The following TACR1 variants were observed in gnomAD, a reference collection of about 807,000 sequenced individuals.
The protein encoded by TACR1 is tachykinin receptor 1, also known as substance-P receptor.
In TACR1, 25 loss-of-function variants were observed where a neutral mutation model predicts 35.8. The observed-to-expected ratio is 0.70, with a 90% CI of 0.51 to 0.98. The LOEUF (loss-of-function observed/expected upper bound fraction) is 0.98. TACR1 is among the 50% of genes least tolerant of loss of function. TACR1 has a pLI of 0.00. For missense variants in TACR1, 478 were observed against 522.9 expected (o/e 0.91, Z 0.84); for synonymous variants, 195 against 206.7 (o/e 0.94, Z 0.48).
At chr2:75,134,854 T>C (rs1483298538) in intron 1 of TACR1, among the ~76,000 whole-genome samples, 1 of 152,168 alleles carries the variant, frequency 6.6e-6, no homozygotes, top group Non-Finnish European at 1.5e-5. Flanking sequence ...CAGGCAGAGA[T>C]GTTGACTCTC....
intron 2 of TACR1, among the ~76,000 whole-genome samples, chr2:75,062,969 T>C (rs1004393512): frequency 3.3e-5 from 5 of 152,208 alleles, no homozygotes; most frequent in African/African-American, 9.6e-5. Flanking sequence ...ATTGGACTTA[T>C]AGTTCCACAT....
At chr2:75,052,116 C>A (rs1324584211) in intron 3 of TACR1, among the ~76,000 whole-genome samples, 1 of 152,178 alleles carries the variant, frequency 6.6e-6, no homozygotes, top group Non-Finnish European at 1.5e-5. Context: ...TGTGTCACTT[C>A]AAATTTATAT....
At chr2:75,156,476 C>G (rs1190702510) in intron 1 of TACR1, among the ~76,000 whole-genome samples, 2 of 151,154 alleles carry the variant, frequency 1.3e-5, no homozygotes, top group Non-Finnish European at 1.5e-5. Flanking sequence ...GGTGGCAGGC[C>G]CCTGTGGTCC....
intron 2 of TACR1, among the ~76,000 whole-genome samples, chr2:75,110,799 G>A (rs1230231857): frequency 6.6e-6 from 1 of 151,846 alleles, no homozygotes; most frequent in African/African-American, 2.4e-5. Flanking sequence ...AAACCATGCT[G>A]ACAAAATCTT....
intron 1 of TACR1, among the ~76,000 whole-genome samples, chr2:75,196,284 C>G (rs534000587): frequency 6.6e-6 from 1 of 152,212 alleles, no homozygotes; most frequent in South Asian, 2.1e-4. Flanking sequence ...ACCACACATG[C>G]AGGAAATATA....
intron 2 of TACR1, among the ~76,000 whole-genome samples, chr2:75,081,145 C>T (rs1475740029): frequency 1.3e-5 from 2 of 152,142 alleles, no homozygotes; most frequent in East Asian, 3.9e-4. Flanking sequence ...AAAAGAAGAG[C>T]CAGGCCTGCC....
intron 1 of TACR1, among the ~76,000 whole-genome samples, chr2:75,146,410 A>G (rs1204380652): frequency 6.6e-6 from 1 of 152,238 alleles, no homozygotes; most frequent in Non-Finnish European, 1.5e-5. Flanking sequence ...GGAATGAGTC[A>G]CCATGCCCGG....
At chr2:75,065,318 C>T (rs952388000) in intron 2 of TACR1, among the ~76,000 whole-genome samples, 4 of 152,222 alleles carry the variant, frequency 2.6e-5, no homozygotes, top group Admixed American at 6.5e-5. Flanking sequence ...TTGTTTTAAA[C>T]CACTGTAGCA....
Position 75,124,016 on chromosome 2 carries a change from T to G in TACR1, c.390-3248A>C, listed in dbSNP as rs953223321. Among the ~76,000 whole-genome samples, 17 of 152,218 alleles carry G rather than the reference T, an allele frequency of 1.1e-4. 1 individual carries two copies. Among genetic ancestry groups the G allele is most frequent in the African/African-American group, 4.1e-4 (17 of 41,468 alleles). On this transcript the variant is annotated intron_variant, in intron 1 of 4. Transcript: ENST00000305249. ...TGACTGCACCGTGCTCGTGGGACTC[T>G]AAGGCAGTCAATGAAACGTCTTTCT...
chr2:75,163,965 GAA>G (rs200329139), intron 1 of TACR1, among the ~76,000 whole-genome samples: 1 of 150,718 alleles, frequency 6.6e-6, no homozygotes, highest in Non-Finnish European at 1.5e-5. Context: ...CCCTTGTCTT[GAA>G]AAAAAAAATC....
chr2:75,180,683 C>T (rs995567177), intron 1 of TACR1, among the ~76,000 whole-genome samples: 1 of 152,164 alleles, frequency 6.6e-6, no homozygotes, highest in Non-Finnish European at 1.5e-5. Flanking sequence ...CTCCAGGGCC[C>T]AGATTATATC....
chr2:75,153,428 C>T (rs1572961376), intron 1 of TACR1, among the ~76,000 whole-genome samples: 2 of 152,192 alleles, frequency 1.3e-5, no homozygotes, highest in Non-Finnish European at 2.9e-5. Context: ...ACCAGCTACT[C>T]ACTTGCTGAG....
intron 1 of TACR1, 35 bp from the exon 2 acceptor site, chr2:75,120,803 G>A (rs1673954429): frequency 6.6e-7 from 1 of 1,506,784 alleles, no homozygotes; most frequent in Non-Finnish European, 8.9e-7. Flanking sequence ...GTTCTGATCT[G>A]GTCACCAAAA....
At chr2:75,184,146 A>T (rs1572987549) in intron 1 of TACR1, among the ~76,000 whole-genome samples, 1 of 152,244 alleles carries the variant, frequency 6.6e-6, no homozygotes, top group Non-Finnish European at 1.5e-5. Flanking sequence ...AGGACAAAGC[A>T]CAAGAACAGG....
intron 1 of TACR1, among the ~76,000 whole-genome samples, chr2:75,178,267 C>T (rs565852089): frequency 1.3e-5 from 2 of 151,952 alleles, no homozygotes; most frequent in African/African-American, 2.4e-5. Context: ...TCACTGCAAC[C>T]TCTGCCTCCT....
intron 2 of TACR1, among the ~76,000 whole-genome samples, chr2:75,079,522 C>G (rs921380799): frequency 6.6e-6 from 1 of 152,144 alleles, no homozygotes; most frequent in African/African-American, 2.4e-5. Context: ...TGATTTCCCT[C>G]CTAATGTAAC....
chr2:75,178,911 G>A (rs1054925422), intron 1 of TACR1, among the ~76,000 whole-genome samples: 23 of 152,186 alleles, frequency 1.5e-4, no homozygotes, highest in Non-Finnish European at 3.1e-4. Flanking sequence ...GGCTCAGGCA[G>A]GGAAAATGTC....
intron 2 of TACR1, among the ~76,000 whole-genome samples, chr2:75,104,558 C>T (rs1673603267): frequency 6.6e-6 from 1 of 152,016 alleles, no homozygotes; most frequent in African/African-American, 2.4e-5. Flanking sequence ...ATATATGGCA[C>T]ATTCCATCCA....
At chr2:75,070,251 G>GTT (rs1050703760) in intron 2 of TACR1, among the ~76,000 whole-genome samples, 2 of 98,580 alleles carry the variant, frequency 2.0e-5, no homozygotes, top group African/African-American at 1.0e-4. Flanking sequence ...GTGTGTGTGT[G>GTT]TATGTGTGTG....
Sources: gnomAD v4.1 joint callset for allele counts (sites outside exome capture counted in the v4.1 genomes callset) on GRCh38, gnomAD v4.1.1 for gene constraint, MANE v1.5 for transcripts, NCBI Gene and HGNC (gene_info 2026-07-23, HGNC 2026-07-21) for gene names.